Variants in WDFY4 observed in about 807,000 individuals in gnomAD.
WDFY4 encodes the protein WD repeat- and FYVE domain-containing protein 4.
Under a neutral mutation model 351.9 loss-of-function variants are expected in WDFY4, and 169 were observed. The observed-to-expected ratio is 0.48, with a 90% CI of 0.42 to 0.55. The LOEUF (loss-of-function observed/expected upper bound fraction) is 0.55. Ranked by LOEUF, WDFY4 falls within the 20% of genes least tolerant of loss-of-function variation. WDFY4 has a pLI of 0.00. For synonymous variants in WDFY4, 1,622 were observed against 1,574.6 expected, an observed-to-expected ratio of 1.03 and a Z score of -0.71; for missense variants, 3,803 against 3,935.6, an observed-to-expected ratio of 0.97 and a Z score of 0.90.
Position 48,735,998 on chromosome 10 carries a change from C to T in WDFY4, c.1806C>T (p.Tyr602=). 6.4e-7 allele frequency: 1 copy of T among 1,551,918 alleles called. No individual in the cohort carries two copies. Among genetic ancestry groups the T allele is most frequent in the East Asian group, 2.4e-5 (1 of 40,928 alleles). Residue 602 remains tyrosine (Y), a synonymous_variant, in exon 11 of 62, where the codon TAC becomes TAT. Transcript: ENST00000325239. ...TCTCAGCCATCAACGCCGAGGAGTA[C>T]ATGAGCATCATTGTGGGTGCTCTAT... ...EQLSAINAEE[Y]MSIIVGALCS...
At chr10:48,804,842 T>C (rs1322369161) in intron 25 of WDFY4, 2 of 952,186 alleles carry the variant, frequency 2.1e-6, no homozygotes, top group South Asian at 9.7e-5. Context: ...CTCTCCACTT[T>C]GTGGTTTGGG....
At chr10:48,841,534 C>G (rs2068606936) in intron 39 of WDFY4, among the ~76,000 whole-genome samples, 1 of 152,102 alleles carries the variant, frequency 6.6e-6, no homozygotes. Context: ...TCATCCATGA[C>G]TTGCTGAAAA....
At chr10:48,964,763 G>A (rs1249717582) in intron 54 of WDFY4, among the ~76,000 whole-genome samples, 1 of 152,230 alleles carries the variant, frequency 6.6e-6, no homozygotes, top group Non-Finnish European at 1.5e-5. Context: ...ACATACTGAT[G>A]AAAGCACAAG....
Position 48,710,660 on chromosome 10 carries a change from C to T in WDFY4, c.234+694C>T, listed in dbSNP as rs182171404. 3.3e-4 allele frequency among the ~76,000 whole-genome samples: 50 copies of T among 152,310 alleles called. No homozygotes were observed. The East Asian group carries it at 7.3e-3, about 22-fold the overall frequency. ...ACACAGGTGGCTGGCAACCTCACACCCCAGGGATGCCAACACCAAGGCCTG... is the reference window on the plus strand; with the variant it reads ...ACACAGGTGGCTGGCAACCTCACACTCCAGGGATGCCAACACCAAGGCCTG... On this transcript the variant is annotated intron_variant, in intron 2 of 61. Coordinates refer to ENST00000325239, the MANE Select transcript of WDFY4 (RefSeq NM_001394531.1).
intron 9 of WDFY4, 32 bp from the exon 10 acceptor site, chr10:48,733,894 CTTAAT>C (rs1206231104): frequency 2.6e-6 from 4 of 1,540,428 alleles, no homozygotes; most frequent in Non-Finnish European, 3.5e-6. Flanking sequence ...ACCACATGTA[CTTAAT>C]TTATTTTGTT....
chr10:48,844,043 C>A (rs756247576), intron 39 of WDFY4, among the ~76,000 whole-genome samples: 57 of 152,266 alleles, frequency 3.7e-4, no homozygotes, highest in Admixed American at 2.0e-4. Context: ...CTAGGCCCCC[C>A]ACTCACAGCC....
intron 49 of WDFY4, among the ~76,000 whole-genome samples, chr10:48,945,101 C>T (rs994779576): frequency 3.3e-5 from 5 of 152,252 alleles, no homozygotes; most frequent in Admixed American, 1.3e-4. Flanking sequence ...ATGAGCCAGG[C>T]GCAGTGGCTT....
intron 38 of WDFY4, among the ~76,000 whole-genome samples, chr10:48,832,049 T>C (rs2068208609): frequency 6.6e-6 from 1 of 152,222 alleles, no homozygotes; most frequent in African/African-American, 2.4e-5. Context: ...TCATGTACTT[T>C]TAAAGTCAAA....
At chr10:48,938,411 C>T (rs376332815) in intron 47 of WDFY4, among the ~76,000 whole-genome samples, 33 of 152,360 alleles carry the variant, frequency 2.2e-4, no homozygotes, top group South Asian at 6.2e-4. Context: ...ATGAGTCCCT[C>T]GGCTGAGAGC....
intron 52 of WDFY4, among the ~76,000 whole-genome samples, chr10:48,957,516 C>T (rs922969567): frequency 3.9e-5 from 6 of 152,228 alleles, no homozygotes; most frequent in Admixed American, 6.5e-5. Context: ...TGCGACTTTT[C>T]CTCCGAGGGT....
At chr10:48,775,303 C>T (rs986798050) in intron 14 of WDFY4, among the ~76,000 whole-genome samples, 1 of 152,114 alleles carries the variant, frequency 6.6e-6, no homozygotes, top group African/African-American at 2.4e-5. Flanking sequence ...GAGCGGGGGG[C>T]CCTGCTGCTT....
chr10:48,907,121 C>T (rs575140493), intron 47 of WDFY4, among the ~76,000 whole-genome samples: 2 of 152,290 alleles, frequency 1.3e-5, no homozygotes, highest in South Asian at 4.1e-4. Context: ...AACATTCGCA[C>T]TTATTTTTGT....
At chr10:48,724,726 C>G (rs954191992) in intron 5 of WDFY4, among the ~76,000 whole-genome samples, 1 of 152,058 alleles carries the variant, frequency 6.6e-6, no homozygotes. Flanking sequence ...CAGATGGTTG[C>G]TGCAGCAAGC....
At chr10:48,785,679 G>A (rs889658620) in intron 19 of WDFY4, among the ~76,000 whole-genome samples, 2 of 152,096 alleles carry the variant, frequency 1.3e-5, no homozygotes, top group African/African-American at 4.8e-5. Flanking sequence ...TCTCTATTCT[G>A]TTCCATCGAT....
At chr10:48,750,053 G>C (rs2065133114) in intron 12 of WDFY4, among the ~76,000 whole-genome samples, 1 of 152,246 alleles carries the variant, frequency 6.6e-6, no homozygotes, top group Non-Finnish European at 1.5e-5. Flanking sequence ...CTGCAGGCCA[G>C]AGCCCTAAAC....
intron 25 of WDFY4, among the ~76,000 whole-genome samples, chr10:48,805,016 G>A (rs1342054875): frequency 2.0e-5 from 3 of 152,032 alleles, no homozygotes; most frequent in Non-Finnish European, 4.4e-5. Context: ...CAATAATTGG[G>A]GTTTGTCTTT....
chr10:48,693,010 C>T (rs941508537), intron 1 of WDFY4, among the ~76,000 whole-genome samples: 2 of 152,062 alleles, frequency 1.3e-5, no homozygotes, highest in African/African-American at 2.4e-5. Flanking sequence ...ATGTTTGGAC[C>T]GTGGTGCTGA....
chr10:48,808,166 G>A (rs2067322259), intron 28 of WDFY4, among the ~76,000 whole-genome samples: 1 of 152,210 alleles, frequency 6.6e-6, no homozygotes, highest in Admixed American at 6.5e-5. Context: ...AAGTGGACAT[G>A]AGTAACTAGA....
intron 47 of WDFY4, among the ~76,000 whole-genome samples, chr10:48,917,953 G>A (rs927915351): frequency 2.6e-5 from 4 of 152,184 alleles, no homozygotes; most frequent in Admixed American, 6.5e-5. Context: ...ACTACATAAC[G>A]GGGAAGTGAG....
Sources: gnomAD v4.1 joint callset for allele counts (sites outside exome capture counted in the v4.1 genomes callset) on GRCh38, gnomAD v4.1.1 for gene constraint, MANE v1.5 for transcripts, NCBI Gene and HGNC (gene_info 2026-07-23, HGNC 2026-07-21) for gene names.